GHR: variants seen among roughly 807,000 people sequenced by gnomAD.
GHR encodes the protein growth hormone receptor.
GHR carries 35 observed loss-of-function variants against 67.1 expected under a neutral mutation model. That is an observed-to-expected ratio of 0.52 (90% confidence interval 0.40 to 0.69). GHR has a LOEUF of 0.69. Ranked by LOEUF, GHR falls within the 30% of genes least tolerant of loss-of-function variation. The probability of loss-of-function intolerance (pLI) is 0.00; values close to 1 mark genes in which losing one functional copy is unlikely to be tolerated. For synonymous variants in GHR, 272 were observed against 269.1 expected (o/e 1.01, Z -0.10); for missense variants, 792 against 764.6 (o/e 1.04, Z -0.42).
rs1758992703 is a variant in GHR at position 42,720,960 on chromosome 5, G to A, written c.*1536G>A. ...TGTTGTTGAGACAGAGTCTCGCTCT[G>A]TCGCCAGGCTAGAGTGCGGTGGCGC... is the stretch of plus-strand genomic sequence containing the variant. On this transcript the variant is annotated 3_prime_UTR_variant, in exon 10 of 10. Transcript: ENST00000230882. 6.6e-6 allele frequency: 1 copy of A among 152,282 alleles called. No individual in the cohort carries two copies. The highest frequency in any genetic ancestry group is 6.6e-5 in the Admixed American group (1 of 15,266). 9.4% of individuals were successfully genotyped at this position (152,282 alleles called of 1,614,324 possible).
intron 3 of GHR, among the ~76,000 whole-genome samples, chr5:42,648,049 T>C (rs1302595720): frequency 6.6e-6 from 1 of 152,138 alleles, no homozygotes; most frequent in Non-Finnish European, 1.5e-5. Context: ...GACCAGAGAT[T>C]TTCAGCAACA....
chr5:42,648,692 C>CTAGTAGTAGTAG lies in GHR; in HGVS notation c.136+19600_136+19611dup, dbSNP rs571645858. Among the ~76,000 whole-genome samples the CTAGTAGTAGTAG allele has an allele frequency of 2.0e-5, 3 of 149,746 alleles. No homozygotes were observed. The East Asian group carries it at 5.9e-4, about 29-fold the overall frequency. ...ATAAGTAATAGTACTACTACTAGTA[C>CTAGTAGTAGTAG]TAGTAGTAGTAGTAGTAGTAGTGGT... On this transcript the variant is annotated intron_variant, in intron 3 of 9. Transcript: ENST00000230882.
Position 42,600,130 on chromosome 5 carries a change from G to A in GHR, c.71-28908G>A, listed in dbSNP as rs547830999. 2.0e-5 allele frequency among the ~76,000 whole-genome samples: 3 copies of A among 152,320 alleles called. No individual in the cohort carries two copies. The South Asian group carries it at 6.2e-4, about 32-fold the overall frequency. On this transcript the variant is annotated intron_variant, in intron 2 of 9. Coordinates refer to ENST00000230882, the MANE Select transcript of GHR (RefSeq NM_000163.5). ...AGGGGTCGGGAGGGATTTGGTGAGT[G>A]AGGCACTTGGAGGCATGGGTCAATA...
intron 1 of GHR, among the ~76,000 whole-genome samples, chr5:42,479,468 T>A (rs1745507435): frequency 6.6e-6 from 1 of 152,232 alleles, no homozygotes; most frequent in Non-Finnish European, 1.5e-5. Flanking sequence ...TGGTACCAGC[T>A]TCTCCTTGTA....
chr5:42,661,973 G>A (rs982375344), intron 3 of GHR, among the ~76,000 whole-genome samples: 1 of 152,148 alleles, frequency 6.6e-6, no homozygotes, highest in Non-Finnish European at 1.5e-5. Flanking sequence ...TGATAAAACA[G>A]ACTTTAAACC....
chr5:42,705,011 C>T (rs901836930), intron 6 of GHR, among the ~76,000 whole-genome samples: 2 of 151,988 alleles, frequency 1.3e-5, no homozygotes, highest in Admixed American at 1.3e-4. Flanking sequence ...CTGAAAAGCA[C>T]ATTAAAAGGA....
intron 1 of GHR, among the ~76,000 whole-genome samples, chr5:42,554,598 G>A (rs899697132): frequency 3.9e-5 from 6 of 152,088 alleles, no homozygotes; most frequent in African/African-American, 1.4e-4. Flanking sequence ...TGGCCGCTTG[G>A]ACTTCTACTA....
chr5:42,697,990 A>ATTAGTGAGGAAAAGATGAGCC (rs1561237416), intron 5 of GHR, among the ~76,000 whole-genome samples: 1 of 152,096 alleles, frequency 6.6e-6, no homozygotes, highest in Non-Finnish European at 1.5e-5. Flanking sequence ...CGGAATGTGG[A>ATTAGTGAGGAAAAGATGAGCC]TTAGTGAGGA....
chr5:42,537,550 T>A (rs1235718085), intron 1 of GHR, among the ~76,000 whole-genome samples: 1 of 152,178 alleles, frequency 6.6e-6, no homozygotes, highest in African/African-American at 2.4e-5. Flanking sequence ...TTTCTTAAAT[T>A]TATTGAGGCT....
intron 3 of GHR, among the ~76,000 whole-genome samples, chr5:42,674,037 A>T (rs1317458384): frequency 6.6e-6 from 1 of 152,138 alleles, no homozygotes; most frequent in Non-Finnish European, 1.5e-5. Flanking sequence ...CTGTCTGTAG[A>T]CCTTCTGCCA....
intron 6 of GHR, among the ~76,000 whole-genome samples, chr5:42,703,751 C>A (rs1048024102): frequency 2.0e-5 from 3 of 151,462 alleles, no homozygotes; most frequent in Non-Finnish European, 3.0e-5. Context: ...AGATCTTTCA[C>A]CTTTTTGTTT....
intron 1 of GHR, among the ~76,000 whole-genome samples, chr5:42,460,429 C>T (rs1336317442): frequency 6.6e-6 from 1 of 152,234 alleles, no homozygotes; most frequent in African/African-American, 2.4e-5. Context: ...TTCAACTTGC[C>T]GCATGCTTTT....
At chr5:42,477,802 C>G (rs999018324) in intron 1 of GHR, among the ~76,000 whole-genome samples, 10 of 152,066 alleles carry the variant, frequency 6.6e-5, no homozygotes, top group African/African-American at 1.7e-4. Context: ...CAGATGAGTA[C>G]ATTGCAAAAA....
intron 3 of GHR, among the ~76,000 whole-genome samples, chr5:42,684,713 TCTTG>T (rs1386666546): frequency 6.6e-6 from 1 of 152,126 alleles, no homozygotes; most frequent in African/African-American, 2.4e-5. Context: ...GCCCTAAAAC[TCTTG>T]TAAATTTCTC....
chr5:42,675,331 T>G (rs1167755617), intron 3 of GHR, among the ~76,000 whole-genome samples: 1 of 152,160 alleles, frequency 6.6e-6, no homozygotes, highest in Non-Finnish European at 1.5e-5. Context: ...CCCCTCTCTA[T>G]CCAGAGAAAA....
At chr5:42,598,748 C>T (rs1024456750) in intron 2 of GHR, among the ~76,000 whole-genome samples, 1 of 152,150 alleles carries the variant, frequency 6.6e-6, no homozygotes, top group South Asian at 2.1e-4. Flanking sequence ...TTTACCAGAC[C>T]CTCCTTCTGC....
intron 1 of GHR, among the ~76,000 whole-genome samples, chr5:42,508,166 A>G (rs1746856709): frequency 6.6e-6 from 1 of 152,180 alleles, no homozygotes; most frequent in Non-Finnish European, 1.5e-5. Context: ...CAGCCAGGAG[A>G]ATTGCTGGTC....
At chr5:42,679,806 T>C (rs1756766660) in intron 3 of GHR, among the ~76,000 whole-genome samples, 1 of 152,142 alleles carries the variant, frequency 6.6e-6, no homozygotes, top group Non-Finnish European at 1.5e-5. Flanking sequence ...ACACTTTTTA[T>C]ATTACATATA....
chr5:42,449,985 T>G (rs1455475967), intron 1 of GHR, among the ~76,000 whole-genome samples: 1 of 152,146 alleles, frequency 6.6e-6, no homozygotes, highest in Non-Finnish European at 1.5e-5. Context: ...ACTATATCCC[T>G]AGTATGAAAC....
Sources: allele counts gnomAD v4.1 joint callset (sites outside exome capture counted in the v4.1 genomes callset), GRCh38; gene constraint gnomAD v4.1.1; transcripts MANE v1.5; gene names NCBI Gene and HGNC (gene_info 2026-07-23, HGNC 2026-07-21).